The following TTC7B variants were observed in gnomAD, a reference collection of about 807,000 sequenced individuals.
TTC7B encodes the protein tetratricopeptide repeat domain 7B, also known as tetratricopeptide repeat protein 7B.
TTC7B carries 28 observed loss-of-function variants against 106.8 expected under a neutral mutation model. That is an observed-to-expected ratio of 0.26 (90% CI 0.19 to 0.36). The LOEUF (loss-of-function observed/expected upper bound fraction) is 0.36, where lower values mean the gene tolerates loss of function less well. TTC7B is among the 10% of genes least tolerant of loss of function. The pLI, the probability that TTC7B is intolerant of heterozygous loss-of-function variation, is 1.00. For missense variants in TTC7B, 862 were observed against 1,076.4 expected, an observed-to-expected ratio of 0.80 and a Z score of 2.79; for synonymous variants, 405 against 430.6, an observed-to-expected ratio of 0.94 and a Z score of 0.74.
rs537041070 is a variant in TTC7B, at chr14:90,563,087, C to T, written c.2310+15019G>A. 1.1e-3 allele frequency among the ~76,000 whole-genome samples: 166 copies of T among 152,308 alleles called. 1 individual carries two copies. Among genetic ancestry groups the T allele is most frequent in the African/African-American group, 3.8e-3 (160 of 41,562 alleles). ...CAGAGGGGAGGGACTAGGATAGAGT[C>T]ATGTTAACATCCTCAGGTCCTAGTC... On this transcript the variant is annotated intron_variant, in intron 19 of 19. Transcript: ENST00000328459.
intron 1 of TTC7B, among the ~76,000 whole-genome samples, chr14:90,810,770 G>A (rs2030856577): frequency 6.6e-6 from 1 of 152,182 alleles, no homozygotes; most frequent in Non-Finnish European, 1.5e-5. Flanking sequence ...CTTCTGTAAG[G>A]CAAACAGCCT....
At chr14:90,691,268 C>T (rs939456919) in intron 6 of TTC7B, among the ~76,000 whole-genome samples, 3 of 152,142 alleles carry the variant, frequency 2.0e-5, no homozygotes, top group African/African-American at 7.2e-5. Flanking sequence ...CTGCCCTAAA[C>T]AGTTTGCTTG....
intron 4 of TTC7B, among the ~76,000 whole-genome samples, chr14:90,733,161 C>A (rs890969078): frequency 6.6e-6 from 1 of 152,094 alleles, no homozygotes; most frequent in Non-Finnish European, 1.5e-5. Flanking sequence ...AGGAAAGTAA[C>A]CCACTGTGTC....
At chr14:90,646,357 A>C (rs1451198527) in intron 14 of TTC7B, among the ~76,000 whole-genome samples, 1 of 152,200 alleles carries the variant, frequency 6.6e-6, no homozygotes, top group Non-Finnish European at 1.5e-5. Flanking sequence ...TGGCAGAGGC[A>C]GCATCTAAAA....
intron 19 of TTC7B, among the ~76,000 whole-genome samples, chr14:90,562,236 C>T (rs1400507012): frequency 6.6e-6 from 1 of 152,172 alleles, no homozygotes; most frequent in African/African-American, 2.4e-5. Context: ...GTACCTTCCC[C>T]TCCCTCTGTG....
chr14:90,757,452 G>A lies in TTC7B; in HGVS notation c.446-12530C>T, dbSNP rs935341801. On this transcript the variant is annotated intron_variant, in intron 3 of 19. Coordinates refer to ENST00000328459, the MANE Select transcript of TTC7B (RefSeq NM_001010854.2). This position sits in a 1 kb window ranked among gnomAD's most constrained non-coding sequence, Gnocchi z 4.1. ...GGGCAGGACCCTGTCTCTAAAAAAA[G>A]AAAGAAAGAAAAGAAAAGCAGATTC... Among the ~76,000 whole-genome samples, 4 of 151,998 alleles carry A rather than the reference G, an allele frequency of 2.6e-5. No individual in the cohort carries two copies. The highest frequency in any genetic ancestry group is 6.5e-5 in the Admixed American group (1 of 15,268).
chr14:90,777,883 G>T (rs927423763), intron 3 of TTC7B, among the ~76,000 whole-genome samples: 1 of 152,192 alleles, frequency 6.6e-6, no homozygotes, highest in Non-Finnish European at 1.5e-5. Flanking sequence ...TTTACGTTGC[G>T]CTCACTATGT....
intron 7 of TTC7B, among the ~76,000 whole-genome samples, chr14:90,682,178 A>G (rs553835006): frequency 5.2e-4 from 79 of 152,324 alleles, no homozygotes; most frequent in African/African-American, 1.8e-3. Context: ...AATTGAAAAG[A>G]CAGACAGCCT....
At chr14:90,799,954 C>T (rs1017187693) in intron 1 of TTC7B, among the ~76,000 whole-genome samples, 1 of 152,060 alleles carries the variant, frequency 6.6e-6, no homozygotes, top group African/African-American at 2.4e-5. Flanking sequence ...CTCAGCCTCC[C>T]GAGTAGCTGG....
chr14:90,762,735 C>T (rs143487162), intron 3 of TTC7B, among the ~76,000 whole-genome samples: 1,684 of 152,302 alleles, frequency 0.011, 32 homozygotes, highest in African/African-American at 0.038. Context: ...AAAGCCATCA[C>T]GCCTGAAACT....
rs1396421458 is a variant in TTC7B, at chr14:90,780,768, G to A, written c.415C>T (p.Arg139Trp). Residue 139 changes from arginine to tryptophan, a missense_variant, in exon 3 of 20, where the codon CGG (arginine) becomes TGG (tryptophan). Coordinates refer to ENST00000328459, the MANE Select transcript of TTC7B (RefSeq NM_001010854.2). The part of the protein sequence containing the change: ...PLTAVPPYRL[R>W]VIAEAYATKG... ...GTAGCGTAGGCTTCTGCGATCACCCGCAGCCTGTAGGGCGGGACAGCTGTC... is the reference window on the plus strand; with the variant it reads ...GTAGCGTAGGCTTCTGCGATCACCCACAGCCTGTAGGGCGGGACAGCTGTC... 3 of 1,614,206 alleles carry A rather than the reference G, an allele frequency of 1.9e-6. No homozygotes were observed. Among genetic ancestry groups the A allele is most frequent in the Non-Finnish European group, 2.5e-6 (3 of 1,180,036 alleles).
chr14:90,794,780 A>G (rs1013090951), intron 1 of TTC7B, among the ~76,000 whole-genome samples: 1 of 152,140 alleles, frequency 6.6e-6, no homozygotes, highest in African/African-American at 2.4e-5. Flanking sequence ...GCTTCCCTCA[A>G]AAAAGGTGAA....
chr14:90,599,682 A>AT (rs1281623549), intron 17 of TTC7B, among the ~76,000 whole-genome samples: 1 of 151,974 alleles, frequency 6.6e-6, no homozygotes, highest in East Asian at 1.9e-4. Flanking sequence ...CCCTCCCCAC[A>AT]TTTTTCTGAC....
intron 19 of TTC7B, among the ~76,000 whole-genome samples, chr14:90,573,057 G>A (rs535834665): frequency 2.0e-5 from 3 of 152,254 alleles, no homozygotes; most frequent in South Asian, 2.1e-4. Flanking sequence ...GGGGCAGTGC[G>A]TGAAACACAG....
chr14:90,654,623 C>T (rs1885869176), intron 12 of TTC7B, among the ~76,000 whole-genome samples: 1 of 152,122 alleles, frequency 6.6e-6, no homozygotes, highest in African/African-American at 2.4e-5. Context: ...CTTCCACATT[C>T]CTGTACCTAA....
At chr14:90,744,072 G>A (rs1464326234) in intron 4 of TTC7B, among the ~76,000 whole-genome samples, 4 of 152,188 alleles carry the variant, frequency 2.6e-5, no homozygotes, top group East Asian at 1.9e-4. Flanking sequence ...GGTCTACTTC[G>A]GTCCACGTCC....
At chr14:90,672,860 G>A (rs927253509) in intron 9 of TTC7B, among the ~76,000 whole-genome samples, 14 of 152,116 alleles carry the variant, frequency 9.2e-5, no homozygotes, top group Non-Finnish European at 1.3e-4. Flanking sequence ...GCCTCTTAAC[G>A]AGCTCTAAGT....
At position 90,625,341 on chromosome 14, in the gene TTC7B, A is replaced by AGGCC. The variant is rs377286971; in HGVS notation, c.1752-7300_1752-7297dup. On this transcript the variant is annotated intron_variant, in intron 15 of 19. Transcript: ENST00000328459. ...GGGATGTCATCGAATCCATCGACCCAGGCCCTCAGCAGGGAGGAGGGATTC... is the reference window on the plus strand; with the variant it reads ...GGGATGTCATCGAATCCATCGACCCAGGCCGGCCCTCAGCAGGGAGGAGGGATTC... Among the ~76,000 whole-genome samples the AGGCC allele has an allele frequency of 7.4e-4, 112 of 152,350 alleles. 1 individual carries two copies. The highest frequency in any genetic ancestry group is 2.6e-3 in the African/African-American group (108 of 41,580).
At chr14:90,581,318 C>T (rs76222347) in intron 18 of TTC7B, among the ~76,000 whole-genome samples, 3,687 of 152,272 alleles carry the variant, frequency 0.024, 57 homozygotes, top group Non-Finnish European at 0.037. Context: ...TCTATACTCA[C>T]AGGGGACTCT....
Sources: allele counts gnomAD v4.1 joint callset (sites outside exome capture counted in the v4.1 genomes callset), GRCh38; gene constraint gnomAD v4.1.1; non-coding constraint Gnocchi (gnomAD v3.1); transcripts MANE v1.5; gene names NCBI Gene and HGNC (gene_info 2026-07-23, HGNC 2026-07-21).